The following USP15 variants were observed in gnomAD, a reference collection of about 807,000 sequenced individuals.
The protein encoded by USP15 is ubiquitin carboxyl-terminal hydrolase 15.
Under a neutral mutation model 127.1 loss-of-function variants are expected in USP15, and 18 were observed. That is an observed-to-expected ratio of 0.14 (90% CI 0.10 to 0.21). The LOEUF is 0.21. Among genes scored for constraint, USP15 ranks in the 10% least tolerant of loss-of-function variants. The pLI is 1.00. For missense variants in USP15, 805 were observed against 1,159.9 expected, an observed-to-expected ratio of 0.69 and a Z score of 4.44; for synonymous variants, 364 against 393.7, an observed-to-expected ratio of 0.92 and a Z score of 0.89.
intron 8 of USP15, 82 bp from the exon 9 acceptor site, chr12:62,381,404 AATTT>A (rs1367963025): frequency 6.7e-6 from 8 of 1,188,650 alleles, no homozygotes; most frequent in African/African-American, 4.6e-5. Context: ...ATAGCAAATC[AATTT>A]GTTTCTCTCT....
At chr12:62,314,266 A>G (rs2064764444) in intron 3 of USP15, among the ~76,000 whole-genome samples, 1 of 151,892 alleles carries the variant, frequency 6.6e-6, no homozygotes, top group Non-Finnish European at 1.5e-5. Flanking sequence ...ATTTTAATAG[A>G]TATATTTTAA....
At chr12:62,347,869 A>AT (rs1359530633) in intron 6 of USP15, among the ~76,000 whole-genome samples, 3 of 152,102 alleles carry the variant, frequency 2.0e-5, no homozygotes, top group Non-Finnish European at 4.4e-5. Flanking sequence ...AAAAGAAAAC[A>AT]TTTTTTTCTA....
intron 1 of USP15, among the ~76,000 whole-genome samples, chr12:62,265,804 C>G (rs1479962182): frequency 1.3e-5 from 2 of 152,138 alleles, no homozygotes. Context: ...ACTTCAGCCT[C>G]GCAAGTATTA....
chr12:62,339,598 A>G (rs1024089072), intron 6 of USP15, among the ~76,000 whole-genome samples: 4 of 152,096 alleles, frequency 2.6e-5, no homozygotes, highest in Admixed American at 6.5e-5. Context: ...ACATGAAGGG[A>G]TGTTGAATTT....
intron 5 of USP15, among the ~76,000 whole-genome samples, chr12:62,323,604 C>T (rs1027180697): frequency 2.0e-5 from 3 of 152,078 alleles, no homozygotes; most frequent in Non-Finnish European, 2.9e-5. Flanking sequence ...TAGCCAACAC[C>T]GCCCTTTTAT....
Position 62,416,319 on chromosome 12 carries a change from T to C in USP15, c.*11944T>C, listed in dbSNP as rs377209169. 6.6e-6 allele frequency: 1 copy of C among 152,208 alleles called. No homozygotes were observed. The highest frequency in any genetic ancestry group is 1.5e-5 in the Non-Finnish European group (1 of 68,034). The allele number at this position is 152,208 out of a possible 1,614,324, so 9.4% of individuals were successfully genotyped here. A position where few individuals can be genotyped will look rare whatever the true frequency, so the allele number is the denominator to read the frequency against. On this transcript the variant is annotated 3_prime_UTR_variant, in exon 22 of 22. Transcript: ENST00000280377. ...TGATGGAAGAATATTGTTCTTAAGA[T>C]GTTAAGATGGTGTATGTGTGGCATA... is the stretch of plus-strand genomic sequence containing the variant.
At chr12:62,335,060 G>A (rs1337606675) in intron 6 of USP15, 3 of 1,076,476 alleles carry the variant, frequency 2.8e-6, no homozygotes, top group Non-Finnish European at 4.1e-6. Flanking sequence ...GGCACGATAT[G>A]TTACACCTAG....
rs778961735 is a variant in USP15 at position 62,317,640 on chromosome 12, A to G, written c.475+2724A>G. 9.2e-5 allele frequency among the ~76,000 whole-genome samples: 14 copies of G among 152,340 alleles called. No individual in the cohort carries two copies. In the East Asian group the frequency reaches 2.7e-3, roughly 29 times the overall value. On this transcript the variant is annotated intron_variant, in intron 4 of 21. Coordinates refer to ENST00000280377, the MANE Select transcript of USP15 (RefSeq NM_001252078.2). ...TAAGAAATCTTGATTGAAAATGATT[A>G]AAATAGCTATGTATGTGAAATACAG... is the stretch of plus-strand genomic sequence containing the variant.
At chr12:62,277,499 A>G (rs1199072220) in intron 1 of USP15, 1 of 152,074 alleles carries the variant, frequency 6.6e-6, no homozygotes, top group Non-Finnish European at 1.5e-5. Flanking sequence ...ATTTTTTTAA[A>G]TGGTACACTT....
At chr12:62,391,734 C>T in intron 16 of USP15, 82 bp from the exon 17 acceptor site, 2 of 1,203,634 alleles carry the variant, frequency 1.7e-6, no homozygotes, top group Middle Eastern at 2.8e-4. Flanking sequence ...TTTGTTTATT[C>T]TGGTGTATAT....
intron 1 of USP15, among the ~76,000 whole-genome samples, chr12:62,266,393 A>G (rs2063193134): frequency 6.6e-6 from 1 of 152,186 alleles, no homozygotes; most frequent in Non-Finnish European, 1.5e-5. Flanking sequence ...AAATGCAAAT[A>G]TGAATGCATT....
chr12:62,318,839 T>A (rs1422050952), intron 4 of USP15, among the ~76,000 whole-genome samples: 1 of 152,196 alleles, frequency 6.6e-6, no homozygotes, highest in African/African-American at 2.4e-5. Flanking sequence ...AAATCATTTC[T>A]GATTCTTTTA....
intron 9 of USP15, among the ~76,000 whole-genome samples, chr12:62,382,113 A>G (rs918473202): frequency 6.6e-5 from 10 of 152,054 alleles, no homozygotes; most frequent in Non-Finnish European, 1.2e-4. Context: ...AATTTGAAAA[A>G]TTATCAAAAT....
At chr12:62,359,881 A>G (rs1292270506) in intron 8 of USP15, among the ~76,000 whole-genome samples, 1 of 152,192 alleles carries the variant, frequency 6.6e-6, no homozygotes, top group Non-Finnish European at 1.5e-5. Context: ...TTATGATTAT[A>G]GGCATATACC....
intron 2 of USP15, among the ~76,000 whole-genome samples, chr12:62,300,822 A>G (rs2064293041): frequency 6.6e-6 from 1 of 152,132 alleles, no homozygotes; most frequent in Non-Finnish European, 1.5e-5. Flanking sequence ...GCGATGTTGT[A>G]TTAGCCAAAG....
At chr12:62,350,364 G>A (rs2065933424) in intron 7 of USP15, among the ~76,000 whole-genome samples, 1 of 152,060 alleles carries the variant, frequency 6.6e-6, no homozygotes, top group Non-Finnish European at 1.5e-5. Flanking sequence ...AATATGATCA[G>A]GAGGCATTGT....
intron 19 of USP15, 122 bp from the exon 20 acceptor site, chr12:62,396,173 G>T (rs923200458): frequency 8.5e-6 from 4 of 471,388 alleles, no homozygotes; most frequent in African/African-American, 2.0e-5. Flanking sequence ...TATATAGATA[G>T]ATATATATAG....
At chr12:62,292,436 T>G (rs2063999351) in intron 1 of USP15, among the ~76,000 whole-genome samples, 1 of 152,174 alleles carries the variant, frequency 6.6e-6, no homozygotes, top group African/African-American at 2.4e-5. Context: ...GACCCACCTT[T>G]CTCATGAACC....
chr12:62,341,595 A>G (rs560490593), intron 6 of USP15, among the ~76,000 whole-genome samples: 4 of 152,220 alleles, frequency 2.6e-5, no homozygotes, highest in African/African-American at 9.6e-5. Context: ...ATCCCTCTGC[A>G]TTTGCTTGTC....
Sources: gnomAD v4.1 joint callset for allele counts (sites outside exome capture counted in the v4.1 genomes callset) on GRCh38, gnomAD v4.1.1 for gene constraint, MANE v1.5 for transcripts, NCBI Gene and HGNC (gene_info 2026-07-23, HGNC 2026-07-21) for gene names.